The following LSP1 variants were observed in gnomAD, a reference collection of about 807,000 sequenced individuals.
LSP1 encodes lymphocyte-specific protein 1.
A neutral mutation model predicts 49.3 loss-of-function variants in LSP1; 32 were observed. The observed-to-expected ratio is 0.65, with a 90% CI of 0.49 to 0.87. The LOEUF (loss-of-function observed/expected upper bound fraction) is 0.87, where lower values mean the gene tolerates loss of function less well. Among genes scored for constraint, LSP1 ranks in the 40% least tolerant of loss-of-function variants. LSP1 has a pLI of 0.00. For synonymous variants in LSP1, 179 were observed against 178.8 expected, an observed-to-expected ratio of 1.00 and a Z score of -0.01; for missense variants, 428 against 442.6, an observed-to-expected ratio of 0.97 and a Z score of 0.30.
At chr11:1,880,353 C>A in intron 2 of LSP1, 129 bp downstream of exon 2, 1 of 1,177,772 alleles carries the variant, frequency 8.5e-7, no homozygotes, top group Non-Finnish European at 1.1e-6. Context: ...GAAGGGCCCC[C>A]AGGAGCAGGC....
At chr11:1,866,864 C>T (rs897508714) in intron 1 of LSP1, 65 of 1,541,668 alleles carry the variant, frequency 4.2e-5, no homozygotes, top group Middle Eastern at 3.3e-4. Context: ...ACCAGGGGCT[C>T]GGCCATGAGC....
chr11:1,883,801 A>C, intron 4 of LSP1, 131 bp from the exon 5 acceptor site: 2 of 960,638 alleles, frequency 2.1e-6, no homozygotes, highest in Non-Finnish European at 3.1e-6. Flanking sequence ...CCAGCTCCAG[A>C]ACTGGAGCAC....
chr11:1,878,096 T>C (rs1360977703), intron 1 of LSP1, among the ~76,000 whole-genome samples: 1 of 152,126 alleles, frequency 6.6e-6, no homozygotes, highest in East Asian at 1.9e-4. Flanking sequence ...CTCCCTCTCA[T>C]GCCCCAGGCC....
At position 1,884,329 on chromosome 11, in the gene LSP1, T is replaced by C. The variant is rs767722570; in HGVS notation, c.635+6T>C. 4 of 1,613,928 alleles carry C rather than the reference T, an allele frequency of 2.5e-6. No homozygotes were observed. The highest frequency in any genetic ancestry group is 1.7e-6 in the Non-Finnish European group (2 of 1,179,988). On this transcript the variant is annotated splice_donor_region_variant and intron_variant, in intron 6 of 10. Transcript: ENST00000311604. This position sits in a 1 kb window ranked among gnomAD's most constrained non-coding sequence, Gnocchi z 4.1. Reference sequence around the variant, plus strand: ...AACCGCTCCATAGAGAAGAGGTCTGTCTGTCTGTCTGTCTGCTTTCTGGGC... The same window carrying C: ...AACCGCTCCATAGAGAAGAGGTCTGCCTGTCTGTCTGTCTGCTTTCTGGGC...
chr11:1,861,029 T>C (rs1285055659), intron 1 of LSP1, among the ~76,000 whole-genome samples: 2 of 152,172 alleles, frequency 1.3e-5, no homozygotes, highest in East Asian at 3.8e-4. Context: ...CAATAGACAA[T>C]TGAATCCGTG....
At chr11:1,879,022 C>T (rs1848428556) in intron 1 of LSP1, among the ~76,000 whole-genome samples, 1 of 152,154 alleles carries the variant, frequency 6.6e-6, no homozygotes, top group Non-Finnish European at 1.5e-5. Context: ...GGCAGAAGCA[C>T]TCCCTTACCT....
chr11:1,864,263 C>G (rs886615129), intron 1 of LSP1: 5 of 988,172 alleles, frequency 5.1e-6, no homozygotes, highest in Non-Finnish European at 6.0e-6. Context: ...TGACGAGGGG[C>G]TGGACAAGAA....
intron 10 of LSP1, chr11:1,889,032 C>A: frequency 1.7e-6 from 1 of 574,100 alleles, no homozygotes; most frequent in South Asian, 2.1e-5. Context: ...GCACCCCATG[C>A]CCCTTGGGCC....
intron 1 of LSP1, among the ~76,000 whole-genome samples, chr11:1,856,926 C>T (rs1224777071): frequency 6.6e-6 from 1 of 152,216 alleles, no homozygotes; most frequent in African/African-American, 2.4e-5. Context: ...CCACCTCAGC[C>T]CCAGCCCTAG....
chr11:1,865,620 C>T (rs1847765160), intron 1 of LSP1, among the ~76,000 whole-genome samples: 1 of 144,960 alleles, frequency 6.9e-6, no homozygotes, highest in Admixed American at 7.0e-5. Context: ...CCATTCACAC[C>T]ATCCCACCTG....
chr11:1,854,180 G>A (rs1005650735), intron 1 of LSP1, among the ~76,000 whole-genome samples: 1 of 152,094 alleles, frequency 6.6e-6, no homozygotes, highest in African/African-American at 2.4e-5. Flanking sequence ...GATAGAGGCC[G>A]GCCTAGGAGC....
intron 1 of LSP1, chr11:1,865,295 G>A: frequency 1.0e-6 from 1 of 958,488 alleles, no homozygotes; most frequent in Non-Finnish European, 1.2e-6. Context: ...GGGCATGGAG[G>A]GCAGGGCAGG....
chr11:1,870,957 G>C (rs1009870718), intron 1 of LSP1: 1 of 985,902 alleles, frequency 1.0e-6, no homozygotes, highest in Non-Finnish European at 1.2e-6. Flanking sequence ...AGGCGCAGCC[G>C]GGCTGTCGGT....
chr11:1,873,952 A>G (rs112387896), intron 1 of LSP1, among the ~76,000 whole-genome samples: 2,452 of 101,924 alleles, frequency 0.024, 90 homozygotes, highest in Non-Finnish European at 0.035. Flanking sequence ...GGAGGCCGGC[A>G]GAGCAGGGAG....
intron 1 of LSP1, among the ~76,000 whole-genome samples, chr11:1,874,926 C>T (rs575958338): frequency 1.3e-5 from 2 of 152,298 alleles, no homozygotes; most frequent in Admixed American, 6.5e-5. Flanking sequence ...GCTGGGCTTT[C>T]TACCTCACCA....
At chr11:1,882,737 CT>C (rs937436530) in intron 3 of LSP1, among the ~76,000 whole-genome samples, 3 of 152,348 alleles carry the variant, frequency 2.0e-5, no homozygotes, top group African/African-American at 7.2e-5. Context: ...CTGCTGCTGG[CT>C]CAGACCCCTG....
At chr11:1,873,932 G>GGCAGAGGAGGGAGCCCA (rs1848167726) in intron 1 of LSP1, among the ~76,000 whole-genome samples, 1 of 135,478 alleles carries the variant, frequency 7.4e-6, no homozygotes, top group African/African-American at 3.0e-5. Context: ...GAGGGAGGCC[G>GGCAGAGGAGGGAGCCCA]GCAGAGGAGG....
intron 1 of LSP1, among the ~76,000 whole-genome samples, chr11:1,871,966 G>C (rs1445707147): frequency 6.7e-6 from 1 of 149,528 alleles, no homozygotes; most frequent in Non-Finnish European, 1.5e-5. Context: ...AGTCACCCTG[G>C]CGCACGCTGG....
rs777617464 is a variant in LSP1, at chr11:1,853,196, G to T, written c.52G>T (p.Gly18Trp). ...TGCCGAGGAGCGGGAAGAGTTGCTGGGGTAAGGGTCTGCGGCGACGCCCGG... is the reference window on the plus strand; with the variant it reads ...TGCCGAGGAGCGGGAAGAGTTGCTGTGGTAAGGGTCTGCGGCGACGCCCGG... ...PGAEEREELLGPTAQWSVEDE... is the reference protein window; with the variant it reads ...PGAEEREELLWPTAQWSVEDE... Residue 18 changes from glycine (G) to tryptophan (W), a missense_variant and splice_region_variant, in exon 1 of 11, where the codon GGG becomes TGG. Physicochemically the swap from Gly to Trp is radical, Grantham distance 184 (BLOSUM62 -2). Transcript: ENST00000311604. 1 of 1,610,252 alleles carries T rather than the reference G, an allele frequency of 6.2e-7. No individual in the cohort carries two copies. Among genetic ancestry groups the T allele is most frequent in the East Asian group, 2.2e-5 (1 of 44,762 alleles).
Sources: gnomAD v4.1 joint callset for allele counts (sites outside exome capture counted in the v4.1 genomes callset) on GRCh38, gnomAD v4.1.1 for gene constraint, Gnocchi (gnomAD v3.1) non-coding constraint, MANE v1.5 for transcripts, NCBI Gene and HGNC (gene_info 2026-07-23, HGNC 2026-07-21) for gene names.